MICU1: variants seen among roughly 807,000 people sequenced by gnomAD.
The protein encoded by MICU1 is mitochondrial calcium uptake 1.
A neutral mutation model predicts 56.8 loss-of-function variants in MICU1; 45 were observed. That is an observed-to-expected ratio of 0.79 (90% CI 0.62 to 1.02). The LOEUF (loss-of-function observed/expected upper bound fraction) is 1.02. MICU1 is among the 50% of genes least tolerant of loss of function. The pLI is 0.00. For missense variants in MICU1, 504 were observed against 587.1 expected (o/e 0.86, Z 1.46); for synonymous variants, 186 against 195.1 (o/e 0.95, Z 0.39).
At chr10:72,438,038 A>C (rs957392518) in intron 8 of MICU1, among the ~76,000 whole-genome samples, 16 of 152,120 alleles carry the variant, frequency 1.1e-4, no homozygotes, top group East Asian at 3.9e-4. Context: ...CAGCTCTGCA[A>C]CAAGTGGACC....
At chr10:72,430,973 ATT>A (rs1864507404) in intron 8 of MICU1, among the ~76,000 whole-genome samples, 1 of 152,058 alleles carries the variant, frequency 6.6e-6, no homozygotes, top group East Asian at 1.9e-4. Flanking sequence ...TTCTTTTGCA[ATT>A]TGTTTTTTTT....
At chr10:72,388,956 T>A (rs1023040197) in intron 10 of MICU1, among the ~76,000 whole-genome samples, 13 of 152,202 alleles carry the variant, frequency 8.5e-5, no homozygotes, top group African/African-American at 3.1e-4. Flanking sequence ...ATTTTCCTCA[T>A]CCATAAAGTG....
In MICU1 at chr10:72,545,844, T is replaced by C. The variant is rs538511349; in HGVS notation, c.493+5335A>G. Among the ~76,000 whole-genome samples, 6 of 152,266 alleles carry C rather than the reference T, an allele frequency of 3.9e-5. No homozygotes were observed. The South Asian group carries it at 1.2e-3, about 32-fold the overall frequency. On this transcript the variant is annotated intron_variant, in intron 4 of 11. Coordinates refer to ENST00000361114, the MANE Select transcript of MICU1 (RefSeq NM_001195518.2). ...CAAAGAAACATATTTTGCAGTAAAA[T>C]ACTTTGATTTCTTTCAGGGCCTGCT...
rs145964139 is a variant in MICU1, at chr10:72,420,082, G to A, written c.1071+3152C>T. On this transcript the variant is annotated intron_variant, in intron 9 of 11. Transcript: ENST00000361114. ...GTGTCTTTTCCTTTTTTTTTAAGAC[G>A]GAGTTTCGCTCTTGTTACCCAGGCT... Among the ~76,000 whole-genome samples the A allele has an allele frequency of 2.9e-4, 44 of 152,052 alleles. No homozygotes were observed. In the East Asian group the frequency reaches 3.9e-3, roughly 13 times the overall value.
chr10:72,390,946 C>T (rs934297119), intron 10 of MICU1, among the ~76,000 whole-genome samples: 1 of 152,222 alleles, frequency 6.6e-6, no homozygotes, highest in East Asian at 1.9e-4. Flanking sequence ...AATACTTGAG[C>T]CACACTAAAT....
At chr10:72,456,305 T>G (rs964937826) in intron 8 of MICU1, among the ~76,000 whole-genome samples, 8 of 152,184 alleles carry the variant, frequency 5.3e-5, no homozygotes, top group Non-Finnish European at 7.3e-5. Context: ...AATGTTCCCC[T>G]ACTCCTAATA....
intron 5 of MICU1, among the ~76,000 whole-genome samples, chr10:72,516,095 C>T (rs980124016): frequency 1.3e-5 from 2 of 152,132 alleles, no homozygotes; most frequent in Non-Finnish European, 1.5e-5. Flanking sequence ...TCCTCTCCAG[C>T]ATCTGTTGTT....
chr10:72,489,328 A>AG (rs1866580400), intron 6 of MICU1, among the ~76,000 whole-genome samples: 1 of 142,312 alleles, frequency 7.0e-6, no homozygotes. Context: ...ACACACAAAA[A>AG]TAAAAAAAAA....
intron 10 of MICU1, among the ~76,000 whole-genome samples, chr10:72,398,447 G>A (rs936942417): frequency 1.3e-5 from 2 of 150,142 alleles, no homozygotes; most frequent in Non-Finnish European, 3.0e-5. Context: ...GATCAGAGCA[G>A]AACTGAAAGA....
intron 4 of MICU1, among the ~76,000 whole-genome samples, chr10:72,536,011 T>A (rs151147817): frequency 5.5e-4 from 83 of 152,030 alleles, no homozygotes; most frequent in Non-Finnish European, 9.9e-4. Context: ...AAAAAGTCGA[T>A]CTCATATAAG....
intron 9 of MICU1, among the ~76,000 whole-genome samples, chr10:72,421,748 T>C (rs568837922): frequency 6.6e-6 from 1 of 152,334 alleles, no homozygotes; most frequent in East Asian, 1.9e-4. Context: ...CTATGCTTGC[T>C]CTTCTCCAAA....
chr10:72,568,905 A>G (rs1840517212), intron 1 of MICU1, among the ~76,000 whole-genome samples: 1 of 151,100 alleles, frequency 6.6e-6, no homozygotes, highest in Non-Finnish European at 1.5e-5. Flanking sequence ...GGCACACGAC[A>G]ACCACACCTG....
At chr10:72,500,028 G>A (rs1866972326) in intron 6 of MICU1, among the ~76,000 whole-genome samples, 1 of 151,630 alleles carries the variant, frequency 6.6e-6, no homozygotes. Flanking sequence ...AATCAAATCT[G>A]GCTACTGTGA....
At chr10:72,572,243 T>G (rs1309913951) in intron 1 of MICU1, among the ~76,000 whole-genome samples, 3 of 150,940 alleles carry the variant, frequency 2.0e-5, no homozygotes, top group African/African-American at 7.4e-5. Flanking sequence ...TAACAAAATT[T>G]AATTAATTTC....
chr10:72,515,101 C>T (rs1867604934), intron 5 of MICU1, among the ~76,000 whole-genome samples: 1 of 152,194 alleles, frequency 6.6e-6, no homozygotes, highest in Admixed American at 6.5e-5. Context: ...AGAACATGAT[C>T]CACATTGCTC....
intron 1 of MICU1, among the ~76,000 whole-genome samples, chr10:72,613,414 A>G (rs983697290): frequency 2.0e-5 from 3 of 151,664 alleles, no homozygotes; most frequent in African/African-American, 7.3e-5. Context: ...GCTAGGAACT[A>G]CAGGGATGTG....
intron 3 of MICU1, among the ~76,000 whole-genome samples, chr10:72,555,114 T>C (rs1840127843): frequency 1.3e-5 from 2 of 152,134 alleles, no homozygotes; most frequent in South Asian, 4.1e-4. Context: ...GAGGAAGAAC[T>C]CTGAATAGTA....
chr10:72,464,070 T>C (rs1865715658), intron 8 of MICU1, among the ~76,000 whole-genome samples: 1 of 151,638 alleles, frequency 6.6e-6, no homozygotes, highest in South Asian at 2.1e-4. Flanking sequence ...CTGGGGCGAG[T>C]GGATCACCTG....
intron 5 of MICU1, among the ~76,000 whole-genome samples, chr10:72,521,388 AC>A (rs1867816975): frequency 1.3e-5 from 2 of 152,086 alleles, no homozygotes; most frequent in South Asian, 4.1e-4. Flanking sequence ...AACATTAAAG[AC>A]CATGAAAAAC....
Sources: allele counts gnomAD v4.1 joint callset (sites outside exome capture counted in the v4.1 genomes callset), GRCh38; gene constraint gnomAD v4.1.1; transcripts MANE v1.5; gene names NCBI Gene and HGNC (gene_info 2026-07-23, HGNC 2026-07-21).